The following RBM19 variants were observed in gnomAD, a reference collection of about 807,000 sequenced individuals.
RBM19 encodes RNA binding motif protein 19, also known as probable RNA-binding protein 19.
Under a neutral mutation model 116.8 loss-of-function variants are expected in RBM19, and 94 were observed. That is an observed-to-expected ratio of 0.80 (90% CI 0.68 to 0.95). RBM19 has a LOEUF of 0.95. Ranked by LOEUF, RBM19 falls within the 40% of genes least tolerant of loss-of-function variation. The pLI is 0.00. For synonymous variants in RBM19, 475 were observed against 494.1 expected, an observed-to-expected ratio of 0.96 and a Z score of 0.51; for missense variants, 1,161 against 1,220.7, an observed-to-expected ratio of 0.95 and a Z score of 0.73.
rs753747050 is a variant in RBM19, at chr12:113,948,869, T to G, written c.1240A>C (p.Thr414Pro). Residue 414 changes from threonine to proline, a missense_variant, in exon 10 of 24, where the codon ACC becomes CCC. Transcript: ENST00000261741. ...LFVRNLPYTS[T>P]EEDLEKLFSK... ...AAGAGCTTCTCCAGATCCTCCTCGGTGCTGGTGTAGGGCAGGTTCCGTACA... is the reference window on the plus strand; with the variant it reads ...AAGAGCTTCTCCAGATCCTCCTCGGGGCTGGTGTAGGGCAGGTTCCGTACA... The G allele has an allele frequency of 1.3e-5, 21 of 1,614,040 alleles. No homozygotes were observed. Among genetic ancestry groups the G allele is most frequent in the Non-Finnish European group, 1.6e-5 (19 of 1,180,032 alleles).
intron 4 of RBM19, 96 bp from the exon 5 acceptor site, chr12:113,959,500 A>G (rs1417484730): frequency 1.5e-6 from 2 of 1,328,782 alleles, no homozygotes; most frequent in East Asian, 2.3e-5. Flanking sequence ...CTAACTCTTA[A>G]GAGGGTGAGA....
Position 113,947,326 on chromosome 12 carries a change from G to T in RBM19, c.1407+8C>A, listed in dbSNP as rs1221576848. ...CAGCCTCCTGGCCAGCCCAGGACGG[G>T]GCCTCACCTGGAATACCTGCCCGTC... On this transcript the variant is annotated splice_region_variant and intron_variant, in intron 11 of 23. Transcript: ENST00000261741. The T allele has an allele frequency of 6.3e-7, 1 of 1,588,570 alleles. No individual in the cohort carries two copies. Among genetic ancestry groups the T allele is most frequent in the Non-Finnish European group, 8.6e-7 (1 of 1,160,348 alleles).
intron 22 of RBM19, among the ~76,000 whole-genome samples, chr12:113,854,880 G>A (rs905262382): frequency 6.6e-6 from 1 of 152,246 alleles, no homozygotes; most frequent in Admixed American, 6.5e-5. Flanking sequence ...AGCTGCCACA[G>A]GTTGGGGTGG....
At position 113,927,051 on chromosome 12, in the gene RBM19, C is replaced by T. The variant is rs756551091; in HGVS notation, c.2244+3G>A. ...CTCCCTCCTGGGCTGAGAAACCACT[C>T]ACTTCCTTCAGCTTCTCTTCTGTTG... is the stretch of plus-strand genomic sequence containing the variant. On this transcript the variant is annotated splice_donor_region_variant and intron_variant, in intron 17 of 23. Coordinates refer to ENST00000261741, the MANE Select transcript of RBM19 (RefSeq NM_016196.4). 41 of 1,611,938 alleles carry T rather than the reference C, an allele frequency of 2.5e-5. No individual in the cohort carries two copies. Among genetic ancestry groups the T allele is most frequent in the Non-Finnish European group, 3.5e-5 (41 of 1,179,220 alleles).
At chr12:113,868,950 G>T (rs1470393274) in intron 21 of RBM19, among the ~76,000 whole-genome samples, 1 of 152,182 alleles carries the variant, frequency 6.6e-6, no homozygotes, top group African/African-American at 2.4e-5. Flanking sequence ...CTGAGGCTCA[G>T]TTTTGTCACC....
intron 21 of RBM19, among the ~76,000 whole-genome samples, chr12:113,905,997 A>T (rs1170332534): frequency 6.6e-6 from 1 of 152,188 alleles, no homozygotes; most frequent in Non-Finnish European, 1.5e-5. Context: ...GGCGCACCAG[A>T]ACACCATAAA....
In RBM19 at chr12:113,844,688, T is replaced by C; in HGVS notation, c.2765A>G (p.Lys922Arg). The C allele has an allele frequency of 1.9e-6, 3 of 1,611,612 alleles. No individual in the cohort carries two copies. The South Asian group carries it at 3.3e-5, about 18-fold the overall frequency. ...CCTACCGTGAAAGTGAGCGGCCGTCTTCCGCCGCAGGGCCTGCAGGGTCAC... is the reference window on the plus strand; with the variant it reads ...CCTACCGTGAAAGTGAGCGGCCGTCCTCCGCCGCAGGGCCTGCAGGGTCAC... Reference protein sequence around the residue: ...SEVTLQALRRKTAAHFHEPPK... With the variant: ...SEVTLQALRRRTAAHFHEPPK... The change falls in exon 23 of 24, where the codon AAG becomes AGG. Residue 922 changes from lysine to arginine, a missense_variant. Coordinates refer to ENST00000261741, the MANE Select transcript of RBM19 (RefSeq NM_016196.4).
intron 17 of RBM19, among the ~76,000 whole-genome samples, chr12:113,925,136 T>C (rs1301125503): frequency 6.6e-6 from 1 of 152,210 alleles, no homozygotes; most frequent in Non-Finnish European, 1.5e-5. Flanking sequence ...TTTTAAGTCA[T>C]AGTCTATTCT....
intron 1 of RBM19, among the ~76,000 whole-genome samples, chr12:113,964,821 T>C (rs943330388): frequency 1.4e-4 from 21 of 152,070 alleles, no homozygotes; most frequent in African/African-American, 5.1e-4. Context: ...TGGTTACTCC[T>C]GGACAGAGAG....
chr12:113,961,852 G>C (rs1021001667), intron 2 of RBM19, among the ~76,000 whole-genome samples: 27 of 152,244 alleles, frequency 1.8e-4, no homozygotes, highest in African/African-American at 6.5e-4. Context: ...AGGGGCTGAG[G>C]CATCACCTTT....
chr12:113,951,205 G>C (rs925309405), intron 8 of RBM19, among the ~76,000 whole-genome samples: 1 of 152,050 alleles, frequency 6.6e-6, no homozygotes, highest in Non-Finnish European at 1.5e-5. Context: ...AGCTTAAGGG[G>C]CCCAGCCTGC....
chr12:113,946,931 T>C (rs1472626384), intron 11 of RBM19, among the ~76,000 whole-genome samples: 3 of 152,250 alleles, frequency 2.0e-5, no homozygotes, highest in Non-Finnish European at 4.4e-5. Context: ...CTAAGTATAT[T>C]ACTTGGTAAC....
chr12:113,933,126 C>T (rs1869752268), intron 16 of RBM19, among the ~76,000 whole-genome samples: 1 of 151,868 alleles, frequency 6.6e-6, no homozygotes, highest in Non-Finnish European at 1.5e-5. Context: ...AACACGCTGT[C>T]CCCCTCCCTC....
At position 113,903,819 on chromosome 12, in the gene RBM19, T is replaced by C. The variant is rs1881867712; in HGVS notation, c.2558+11150A>G. On this transcript the variant is annotated intron_variant, in intron 21 of 23. Transcript: ENST00000261741. The surrounding 1 kb of genome is among the most constrained non-coding windows in gnomAD (Gnocchi z 5.1). ...TTCTATCTTGATATAATCTGGGTAGTTCCTGTCTCTCCCTCCTAAAATAAG... is the reference window on the plus strand; with the variant it reads ...TTCTATCTTGATATAATCTGGGTAGCTCCTGTCTCTCCCTCCTAAAATAAG... Among the ~76,000 whole-genome samples the C allele has an allele frequency of 6.6e-6, 1 of 152,296 alleles. No homozygotes were observed. The highest frequency in any genetic ancestry group is 3.4e-3 in the Middle Eastern group (1 of 294).
At chr12:113,821,680 G>C (rs183138883), downstream of RBM19, among the ~76,000 whole-genome samples, 1 of 152,294 alleles carries the variant, frequency 6.6e-6, no homozygotes, top group Admixed American at 6.5e-5. Context: ...GCTTTGGGAG[G>C]CTAAGGTGGG....
At chr12:113,955,061 G>T (rs1202983394) in intron 7 of RBM19, 70 bp downstream of exon 7, 3 of 1,498,044 alleles carry the variant, frequency 2.0e-6, no homozygotes, top group South Asian at 1.1e-5. Context: ...TGCACCAAAG[G>T]CTCCTGGCCT....
At chr12:113,931,030 TGTAGGAAAATTGGTAAACAGAACA>T (rs1869555364) in intron 16 of RBM19, among the ~76,000 whole-genome samples, 1 of 152,222 alleles carries the variant, frequency 6.6e-6, no homozygotes, top group African/African-American at 2.4e-5. Context: ...CATGCTCATT[TGTAGGAAAATTGGTAAACAGAACA>T]GTGAGTGACT....
downstream of RBM19, among the ~76,000 whole-genome samples, chr12:113,819,227 C>T (rs1487996222): frequency 6.6e-6 from 1 of 152,234 alleles, no homozygotes; most frequent in African/African-American, 2.4e-5. Flanking sequence ...CTGAGCCACA[C>T]TCTGAACACC....
chr12:113,937,006 C>G lies in RBM19; in HGVS notation c.2068+1G>C, dbSNP rs781432652. The G allele has an allele frequency of 6.2e-7, 1 of 1,613,790 alleles. No homozygotes were observed. The highest frequency in any genetic ancestry group is 8.5e-7 in the Non-Finnish European group (1 of 1,179,900). ...ATCCTGGTCTCAGACTCAGCTCTTA[C>G]CTGTTTCTGGCTCTGCTGGGTCCTT... On this transcript the variant is annotated splice_donor_variant, in intron 16 of 23. Transcript: ENST00000261741. LOFTEE classifies it high-confidence loss of function.
Sources: gnomAD v4.1 joint callset for allele counts (sites outside exome capture counted in the v4.1 genomes callset) on GRCh38, gnomAD v4.1.1 for gene constraint, Gnocchi (gnomAD v3.1) non-coding constraint, MANE v1.5 for transcripts, NCBI Gene and HGNC (gene_info 2026-07-23, HGNC 2026-07-21) for gene names.